The following OTOR variants were observed in gnomAD, a reference collection of about 807,000 sequenced individuals.
OTOR encodes the protein fibrocyte-derived protein.
In OTOR, 20 loss-of-function variants were observed where a neutral mutation model predicts 15.9. The ratio of observed to expected loss-of-function variants is 1.26; its 90% confidence interval spans 0.89 to 1.83. The LOEUF (loss-of-function observed/expected upper bound fraction) is 1.83, where lower values mean the gene tolerates loss of function less well. Ranked by LOEUF, OTOR falls within the 40% of genes most tolerant of loss-of-function variation. The probability of loss-of-function intolerance (pLI) is 0.00; values close to 1 mark genes in which losing one functional copy is unlikely to be tolerated. For missense variants in OTOR, 184 were observed against 159.0 expected, an observed-to-expected ratio of 1.16 and a Z score of -0.85; for synonymous variants, 53 against 54.2, an observed-to-expected ratio of 0.98 and a Z score of 0.09.
chr20:16,749,919 A>C lies in OTOR; in HGVS notation c.272A>C (p.Gln91Pro). 6.2e-7 allele frequency: 1 copy of C among 1,613,014 alleles called. No homozygotes were observed. Among genetic ancestry groups the C allele is most frequent in the Non-Finnish European group, 8.5e-7 (1 of 1,179,062 alleles). The change falls in exon 3 of 4, where the codon CAG (glutamine) becomes CCG (proline). Residue 91 changes from glutamine to proline, a missense_variant. By Grantham distance (76) the Gln-to-Pro change is moderately conservative. Coordinates refer to ENST00000246081, the MANE Select transcript of OTOR (RefSeq NM_020157.4). ...FWAGSVYGDG[Q>P]DEMGVVGYFP... ...GGCACTTAGGTTTATGGTGATGGCC[A>C]GGACGAGATGGGAGTCGTGGGTTAT...
chr20:16,750,589 A>G (rs938760882), intron 3 of OTOR, among the ~76,000 whole-genome samples: 3 of 152,240 alleles, frequency 2.0e-5, no homozygotes, highest in Non-Finnish European at 4.4e-5. Context: ...GATAGGCTGA[A>G]AAAAAATTAT....
Position 16,749,007 on chromosome 20 carries a change from G to A in OTOR, c.255+1G>A. 1.4e-6 allele frequency: 2 copies of A among 1,388,294 alleles called. No homozygotes were observed. Among genetic ancestry groups the A allele is most frequent in the Non-Finnish European group, 1.9e-6 (2 of 1,048,832 alleles). The allele number at this position is 1,388,294 out of a possible 1,614,324, so 86.0% of individuals were successfully genotyped here. A position where few individuals can be genotyped will look rare whatever the true frequency, so the allele number is the denominator to read the frequency against. ...AGCTGGAGAATTTTGGGCTGGCAGT[G>A]TAAGATAATTTAAACACCTATTGAC... On this transcript the variant is annotated splice_donor_variant, in intron 2 of 3. Coordinates refer to ENST00000246081, the MANE Select transcript of OTOR (RefSeq NM_020157.4). LOFTEE classifies it high-confidence loss of function.
intron 3 of OTOR, 102 bp from the exon 4 acceptor site, chr20:16,750,993 C>T: frequency 4.4e-6 from 4 of 914,786 alleles, no homozygotes; most frequent in East Asian, 2.9e-5. Flanking sequence ...ACTTTAAATC[C>T]AAATTTCTCT....
At position 16,751,289 on chromosome 20, in the gene OTOR, C is replaced by G. The variant is rs970156632; in HGVS notation, c.*171C>G. On this transcript the variant is annotated 3_prime_UTR_variant, in exon 4 of 4. Transcript: ENST00000246081. ...GTGGCAGATAAAAGAGGATTTTCAA[C>G]TCAAATCTTGTTTCCTGCTGGCCTG... is the stretch of plus-strand genomic sequence containing the variant. The G allele has an allele frequency of 1.7e-6, 1 of 574,568 alleles. No individual in the cohort carries two copies. Among genetic ancestry groups the G allele is most frequent in the South Asian group, 2.3e-5 (1 of 43,246 alleles). 35.6% of individuals were successfully genotyped at this position (574,568 alleles called of 1,614,324 possible).
In OTOR at chr20:16,749,156, T is replaced by C. The variant is rs939465528; in HGVS notation, c.255+150T>C. 2.6e-5 allele frequency: 12 copies of C among 467,562 alleles called. No homozygotes were observed. In the South Asian group the frequency reaches 9.4e-4, roughly 36 times the overall value. 29.0% of individuals were successfully genotyped at this position (467,562 alleles called of 1,614,324 possible). On this transcript the variant is annotated intron_variant, in intron 2 of 3. Coordinates refer to ENST00000246081, the MANE Select transcript of OTOR (RefSeq NM_020157.4). ...GCAAAAATTCAGGTATATTTGCTAT[T>C]GCATTTTAAAGAAAGAAAGATCAAT...
intron 1 of OTOR, 44 bp downstream of exon 1, chr20:16,748,560 T>G: frequency 8.8e-7 from 1 of 1,140,836 alleles, no homozygotes; most frequent in Non-Finnish European, 1.3e-6. Flanking sequence ...TATTACATAA[T>G]TGAAAATATA....
At chr20:16,749,805 G>C in intron 2 of OTOR, 98 bp from the exon 3 acceptor site, 1 of 797,420 alleles carries the variant, frequency 1.3e-6, no homozygotes, top group South Asian at 1.6e-5. Context: ...GGTATTGGCA[G>C]CTATGATTCT....
chr20:16,749,554 G>A (rs971825779), intron 2 of OTOR: 7 of 207,232 alleles, frequency 3.4e-5, no homozygotes, highest in African/African-American at 1.6e-4. Context: ...TGAGAAATTT[G>A]CATCATTTAA....
chr20:16,748,843 T>A (rs1219835391), intron 1 of OTOR, 24 bp from the exon 2 acceptor site: 1 of 1,541,334 alleles, frequency 6.5e-7, no homozygotes, highest in Non-Finnish European at 8.7e-7. Flanking sequence ...TAAAATGTAA[T>A]CATTTAAATT....
At position 16,748,534 on chromosome 20, in the gene OTOR, CT is replaced by C; in HGVS notation, c.115+22del. ...GTGTGTCTGTAAGGACTTTTTTATG[CT>C]TTTCATTATCTTTCTATTACATAAT... On this transcript the variant is annotated intron_variant, in intron 1 of 3. Coordinates refer to ENST00000246081, the MANE Select transcript of OTOR (RefSeq NM_020157.4). The C allele has an allele frequency of 7.3e-7, 1 of 1,372,200 alleles. No homozygotes were observed. Among genetic ancestry groups the C allele is most frequent in the Non-Finnish European group, 1.0e-6 (1 of 967,434 alleles). The allele number at this position is 1,372,200 out of a possible 1,614,324, so 85.0% of individuals were successfully genotyped here. A position where few individuals can be genotyped will look rare whatever the true frequency, so the allele number is the denominator to read the frequency against.
chr20:16,749,280 G>T (rs1176314052), intron 2 of OTOR: 8 of 257,172 alleles, frequency 3.1e-5, no homozygotes, highest in East Asian at 1.6e-4. Context: ...AATCTTATCC[G>T]AAAACGTCTG....
rs750947294 is a variant in OTOR, at chr20:16,748,474, C to T, written c.73C>T (p.Arg25Cys). The change falls in exon 1 of 4, where the codon CGT becomes TGT. Residue 25 changes from arginine to cysteine, a missense_variant. Coordinates refer to ENST00000246081, the MANE Select transcript of OTOR (RefSeq NM_020157.4). ...VCAVHGIFMD[R>C]LASKKLCADD... ...TGCTGTGCATGGAATATTTATGGAC[C>T]GTCTAGCTTCCAAGAAGCTCTGTGC... The T allele has an allele frequency of 2.2e-5, 36 of 1,613,308 alleles. No individual in the cohort carries two copies. The highest frequency in any genetic ancestry group is 1.7e-4 in the Middle Eastern group (1 of 6,058).
chr20:16,748,778 A>T (rs761603186), intron 1 of OTOR, 89 bp from the exon 2 acceptor site: 2 of 1,011,634 alleles, frequency 2.0e-6, no homozygotes, highest in Non-Finnish European at 2.8e-6. Flanking sequence ...AGTCACTCTG[A>T]TTTTCTAGTT....
chr20:16,751,104 T>C lies in OTOR; in HGVS notation c.373T>C (p.Phe125Leu), dbSNP rs1388216004. ...TKEVPTTDID[F>L]FCE is the part of the protein sequence containing the mutation. The stretch of plus-strand genomic sequence containing the variant: ...TTTTGTTTTTTTCCAGGATATTGAC[T>C]TCTTCTGCGAGTAATAAATTAGTTA... The change falls in exon 4 of 4, where the codon TTC (phenylalanine) becomes CTC (leucine). Residue 125 changes from phenylalanine to leucine, a missense_variant. Coordinates refer to ENST00000246081, the MANE Select transcript of OTOR (RefSeq NM_020157.4). 1 of 1,546,454 alleles carries C rather than the reference T, an allele frequency of 6.5e-7. No homozygotes were observed. The highest frequency in any genetic ancestry group is 8.8e-7 in the Non-Finnish European group (1 of 1,141,546).
rs1228770511 is a variant in OTOR, at chr20:16,749,026, T to C, written c.255+20T>C. On this transcript the variant is annotated intron_variant, in intron 2 of 3. Coordinates refer to ENST00000246081, the MANE Select transcript of OTOR (RefSeq NM_020157.4). ...GGCAGTGTAAGATAATTTAAACACC[T>C]ATTGACGAATATTGCTCTTAACCTT... The C allele has an allele frequency of 6.5e-7, 1 of 1,538,554 alleles. No homozygotes were observed. The highest frequency in any genetic ancestry group is 1.9e-5 in the Admixed American group (1 of 52,048).
rs1408838488 is a variant in OTOR at position 16,749,655 on chromosome 20, C to A, written c.256-248C>A. 6 of 449,412 alleles carry A rather than the reference C, an allele frequency of 1.3e-5. No homozygotes were observed. In the South Asian group the frequency reaches 2.7e-4, roughly 20 times the overall value. 27.8% of individuals were successfully genotyped at this position (449,412 alleles called of 1,614,324 possible). On this transcript the variant is annotated intron_variant, in intron 2 of 3. Coordinates refer to ENST00000246081, the MANE Select transcript of OTOR (RefSeq NM_020157.4). ...AGATTTCAGGCAACTCACAAGATTGCGTAAAATAAAGTCATGCTAAAGTAG... is the reference window on the plus strand; with the variant it reads ...AGATTTCAGGCAACTCACAAGATTGAGTAAAATAAAGTCATGCTAAAGTAG...
At chr20:16,751,073 T>A (rs2072526132) in intron 3 of OTOR, 22 bp from the exon 4 acceptor site, 1 of 1,524,614 alleles carries the variant, frequency 6.6e-7, no homozygotes, top group Non-Finnish European at 8.9e-7. Context: ...TTCAATCTTT[T>A]TTTGTTTTTG....
intron 1 of OTOR, 55 bp from the exon 2 acceptor site, chr20:16,748,812 C>A: frequency 7.3e-7 from 1 of 1,364,688 alleles, no homozygotes; most frequent in Non-Finnish European, 9.9e-7. Flanking sequence ...TTGCCTTTTA[C>A]TGTTATAAAA....
chr20:16,751,697 A>C lies in OTOR; in HGVS notation c.*579A>C, dbSNP rs1315125066. The C allele has an allele frequency of 1.3e-5, 2 of 152,194 alleles. No homozygotes were observed. The highest frequency in any genetic ancestry group is 2.9e-5 in the Non-Finnish European group (2 of 68,038). 9.4% of individuals were successfully genotyped at this position (152,194 alleles called of 1,614,324 possible). A position where few individuals can be genotyped will look rare whatever the true frequency, so the allele number is the denominator to read the frequency against. On this transcript the variant is annotated 3_prime_UTR_variant, in exon 4 of 4. Transcript: ENST00000246081. Reference sequence around the variant, plus strand: ...CATAGATGTTTGGATGATGTCTCTAATTTGTCATTTAGAAAAATCTCAAAA... The same window carrying C: ...CATAGATGTTTGGATGATGTCTCTACTTTGTCATTTAGAAAAATCTCAAAA...
Sources: allele counts gnomAD v4.1 joint callset (sites outside exome capture counted in the v4.1 genomes callset), GRCh38; gene constraint gnomAD v4.1.1; transcripts MANE v1.5; gene names NCBI Gene and HGNC (gene_info 2026-07-23, HGNC 2026-07-21).